Variants in ITGA8 observed in about 807,000 individuals in gnomAD.
ITGA8 encodes the protein integrin subunit alpha 8.
In ITGA8, 91 loss-of-function variants were observed where a neutral mutation model predicts 142.3. The ratio of observed to expected loss-of-function variants is 0.64; its 90% confidence interval spans 0.54 to 0.76. ITGA8 has a LOEUF of 0.76. Ranked by LOEUF, ITGA8 falls within the 30% of genes least tolerant of loss-of-function variation. The pLI, the probability that ITGA8 is intolerant of heterozygous loss-of-function variation, is 0.00. For missense variants in ITGA8, 1,406 were observed against 1,327.7 expected, an observed-to-expected ratio of 1.06 and a Z score of -0.92; for synonymous variants, 505 against 485.2, an observed-to-expected ratio of 1.04 and a Z score of -0.54.
chr10:15,528,656 G>T (rs1049768164), intron 28 of ITGA8, among the ~76,000 whole-genome samples: 2 of 152,070 alleles, frequency 1.3e-5, no homozygotes, highest in Non-Finnish European at 2.9e-5. Context: ...CCTGTGGATG[G>T]AACCAACCGT....
chr10:15,673,883 T>C (rs1834576452), intron 6 of ITGA8, among the ~76,000 whole-genome samples: 1 of 152,204 alleles, frequency 6.6e-6, no homozygotes, highest in Non-Finnish European at 1.5e-5. Flanking sequence ...TAGACAAGTA[T>C]CTAAAAGACA....
At chr10:15,671,097 C>A (rs1834506941) in intron 8 of ITGA8, among the ~76,000 whole-genome samples, 1 of 152,090 alleles carries the variant, frequency 6.6e-6, no homozygotes, top group Non-Finnish European at 1.5e-5. Context: ...TAGACAACAG[C>A]CACAGCAAAG....
At chr10:15,589,093 G>T (rs1832880087) in intron 22 of ITGA8, among the ~76,000 whole-genome samples, 1 of 152,172 alleles carries the variant, frequency 6.6e-6, no homozygotes, top group South Asian at 2.1e-4. Flanking sequence ...CATGGAAGCT[G>T]AACTATTTAA....
At chr10:15,687,621 G>A (rs1834855549) in intron 3 of ITGA8, among the ~76,000 whole-genome samples, 1 of 152,164 alleles carries the variant, frequency 6.6e-6, no homozygotes, top group Non-Finnish European at 1.5e-5. Flanking sequence ...CAGATTTTAA[G>A]TAGCCCCTAA....
chr10:15,602,634 A>C (rs1412982187), intron 20 of ITGA8, among the ~76,000 whole-genome samples: 1 of 151,960 alleles, frequency 6.6e-6, no homozygotes, highest in African/African-American at 2.4e-5. Context: ...GCTACTCAGG[A>C]GGCTGAGATG....
intron 18 of ITGA8, 69 bp from the exon 19 acceptor site, chr10:15,605,860 T>A: frequency 7.0e-7 from 1 of 1,422,012 alleles, no homozygotes; most frequent in Non-Finnish European, 9.9e-7. Context: ...TCTTGAAAAT[T>A]CTGAATGGTG....
In ITGA8 at chr10:15,681,288, ACTT is replaced by A. The variant is rs138873706; in HGVS notation, c.569-2508_569-2506del. On this transcript the variant is annotated intron_variant, in intron 4 of 29. Transcript: ENST00000378076. ...CTGGCTTTGTGTTAATGATCTGTGA[ACTT>A]CTTGGCCATGACGGGAAGTCTGCTT... 3.0e-3 allele frequency among the ~76,000 whole-genome samples: 451 copies of A among 151,928 alleles called. 3 individuals carry two copies. Among genetic ancestry groups the A allele is most frequent in the African/African-American group, 0.011 (437 of 41,538 alleles).
intron 2 of ITGA8, among the ~76,000 whole-genome samples, chr10:15,692,228 C>T (rs1448499433): frequency 1.3e-5 from 2 of 151,946 alleles, no homozygotes; most frequent in African/African-American, 2.4e-5. Context: ...CCACTGTACC[C>T]AGCCTTATAC....
At chr10:15,559,159 C>T (rs1833933441) in intron 25 of ITGA8, among the ~76,000 whole-genome samples, 1 of 152,212 alleles carries the variant, frequency 6.6e-6, no homozygotes, top group South Asian at 2.1e-4. Flanking sequence ...ACTAGACAAA[C>T]AGAAGGACGG....
chr10:15,530,406 C>T (rs529363936), intron 28 of ITGA8, among the ~76,000 whole-genome samples: 2 of 151,956 alleles, frequency 1.3e-5, no homozygotes, highest in African/African-American at 4.8e-5. Flanking sequence ...ATTAGCTGGG[C>T]GTGGTGGCAG....
chr10:15,647,107 G>T, intron 11 of ITGA8, 56 bp from the exon 12 acceptor site: 2 of 1,364,530 alleles, frequency 1.5e-6, no homozygotes, highest in South Asian at 2.3e-5. Flanking sequence ...AGTCACTTTG[G>T]GTTATTTGTA....
chr10:15,592,548 T>G (rs1832945013), intron 21 of ITGA8, among the ~76,000 whole-genome samples: 1 of 152,344 alleles, frequency 6.6e-6, no homozygotes, highest in East Asian at 1.9e-4. Flanking sequence ...TCCTGCCACC[T>G]TTTTGTGTGT....
chr10:15,675,122 A>C (rs1442232649), intron 6 of ITGA8, among the ~76,000 whole-genome samples: 4 of 152,154 alleles, frequency 2.6e-5, no homozygotes, highest in African/African-American at 9.7e-5. Flanking sequence ...CCTCCCATCT[A>C]TACCCATGGA....
chr10:15,594,365 T>G (rs942353685), intron 21 of ITGA8, among the ~76,000 whole-genome samples: 1 of 152,140 alleles, frequency 6.6e-6, no homozygotes, highest in African/African-American at 2.4e-5. Context: ...TTTACCACTC[T>G]TCCACCACTC....
At chr10:15,591,977 G>T (rs928458498) in intron 22 of ITGA8, among the ~76,000 whole-genome samples, 2 of 152,174 alleles carry the variant, frequency 1.3e-5, no homozygotes, top group East Asian at 3.9e-4. Context: ...GCAGGTGGGA[G>T]GGTGCCCAGG....
At chr10:15,687,910 G>T in intron 3 of ITGA8, 28 bp downstream of exon 3, 1 of 1,323,082 alleles carries the variant, frequency 7.6e-7, no homozygotes, top group Non-Finnish European at 1.1e-6. Flanking sequence ...CTCCAAAGCA[G>T]CAGCACAAGC....
At position 15,515,757 on chromosome 10, in the gene ITGA8, G is replaced by A. The variant is rs1832953341; in HGVS notation, c.*1401C>T. On this transcript the variant is annotated 3_prime_UTR_variant, in exon 30 of 30. Transcript: ENST00000378076. ...GTGCAGACTACCTATAAATTTGGCT[G>A]GTCAATTTTACTTCAAAAATGATAA... 6.6e-6 allele frequency: 1 copy of A among 151,928 alleles called. No homozygotes were observed. Among genetic ancestry groups the A allele is most frequent in the Non-Finnish European group, 1.5e-5 (1 of 68,004 alleles). 9.4% of individuals were successfully genotyped at this position (151,928 alleles called of 1,614,324 possible). A position where few individuals can be genotyped will look rare whatever the true frequency, so the allele number is the denominator to read the frequency against.
intron 26 of ITGA8, among the ~76,000 whole-genome samples, chr10:15,556,794 C>T (rs1338680830): frequency 2.6e-5 from 4 of 152,188 alleles, no homozygotes; most frequent in Non-Finnish European, 4.4e-5. Flanking sequence ...AACAATAGAT[C>T]TTATTCATTC....
chr10:15,698,222 C>T (rs1011071290), intron 2 of ITGA8, among the ~76,000 whole-genome samples: 2 of 152,204 alleles, frequency 1.3e-5, no homozygotes, highest in African/African-American at 4.8e-5. Flanking sequence ...ATCCAGGTTG[C>T]TGAGAATGCC....
Sources: gnomAD v4.1 joint callset for allele counts (sites outside exome capture counted in the v4.1 genomes callset) on GRCh38, gnomAD v4.1.1 for gene constraint, MANE v1.5 for transcripts, NCBI Gene and HGNC (gene_info 2026-07-23, HGNC 2026-07-21) for gene names.